Variants in GSAP observed in about 807,000 individuals in gnomAD.
The protein encoded by GSAP is gamma-secretase activating protein.
A neutral mutation model predicts 131.7 loss-of-function variants in GSAP; 118 were observed. The observed-to-expected ratio is 0.90, with a 90% CI of 0.77 to 1.04. GSAP has a LOEUF of 1.04. Among genes scored for constraint, GSAP ranks in the 50% least tolerant of loss-of-function variants. The probability of loss-of-function intolerance (pLI) is 0.00; values close to 1 mark genes in which losing one functional copy is unlikely to be tolerated. For missense variants in GSAP, 1,019 were observed against 1,013.2 expected (o/e 1.01, Z -0.08); for synonymous variants, 381 against 363.4 (o/e 1.05, Z -0.55).
At chr7:77,344,309 C>G (rs927301820) in intron 19 of GSAP, among the ~76,000 whole-genome samples, 4 of 152,142 alleles carry the variant, frequency 2.6e-5, no homozygotes, top group African/African-American at 9.7e-5. Flanking sequence ...GACTAATGGT[C>G]TTATAAAAAC....
chr7:77,324,356 G>A (rs1334847889), intron 23 of GSAP, among the ~76,000 whole-genome samples: 1 of 152,098 alleles, frequency 6.6e-6, no homozygotes, highest in Non-Finnish European at 1.5e-5. Context: ...CCAACCATTA[G>A]CATTCCCAGC....
At chr7:77,335,868 A>C (rs1284129976) in intron 19 of GSAP, among the ~76,000 whole-genome samples, 1 of 152,208 alleles carries the variant, frequency 6.6e-6, no homozygotes, top group Non-Finnish European at 1.5e-5. Flanking sequence ...ATTCCATCTC[A>C]GTATCAGCTT....
intron 12 of GSAP, among the ~76,000 whole-genome samples, chr7:77,373,866 C>T (rs192943437): frequency 3.3e-5 from 5 of 152,326 alleles, no homozygotes; most frequent in African/African-American, 1.2e-4. Flanking sequence ...AATAACTCTG[C>T]TGTTAAGAAT....
Position 77,374,108 on chromosome 7 carries a change from G to A in GSAP, c.833C>T (p.Ser278Phe), listed in dbSNP as rs1796504197. 6.3e-7 allele frequency: 1 copy of A among 1,594,872 alleles called. No homozygotes were observed. The highest frequency in any genetic ancestry group is 2.2e-5 in the East Asian group (1 of 44,476). Residue 278 changes from serine to phenylalanine, a missense_variant, in exon 12 of 31, where the codon TCC becomes TTC. Transcript: ENST00000257626. ...AAAAACACACAGAGTCAGGTGTTTG[G>A]AAAATTTATCTCGGTATTGATGATA... ...CDYHQYRDKF[S>F]KHLTLCVFTN... is the part of the protein sequence containing the mutation.
chr7:77,382,746 A>G, intron 6 of GSAP, 103 bp from the exon 7 acceptor site: 1 of 626,180 alleles, frequency 1.6e-6, no homozygotes, highest in Non-Finnish European at 3.0e-6. Flanking sequence ...CATTGAAGAA[A>G]CTGGGAATCA....
chr7:77,340,389 G>A (rs978390220), intron 19 of GSAP, among the ~76,000 whole-genome samples: 2 of 152,138 alleles, frequency 1.3e-5, no homozygotes, highest in African/African-American at 4.8e-5. Context: ...GAAGACCCAG[G>A]ACAGGAGGAC....
At chr7:77,352,376 A>G (rs904049121) in intron 18 of GSAP, among the ~76,000 whole-genome samples, 1 of 152,250 alleles carries the variant, frequency 6.6e-6, no homozygotes, top group South Asian at 2.1e-4. Context: ...AGCTCTGTCT[A>G]CTGTACCATA....
At chr7:77,365,898 G>GTTTTTTTTTTTTTTT (rs35007328) in intron 12 of GSAP, among the ~76,000 whole-genome samples, 1 of 115,586 alleles carries the variant, frequency 8.7e-6, no homozygotes. Flanking sequence ...GCAACTGTGG[G>GTTTTTTTTTTTTTTT]TTTTTTTTTT....
intron 5 of GSAP, among the ~76,000 whole-genome samples, chr7:77,395,626 T>C (rs1182892467): frequency 6.6e-6 from 1 of 151,976 alleles, no homozygotes; most frequent in Non-Finnish European, 1.5e-5. Context: ...TGATGAGATT[T>C]CAGATGAGCC....
chr7:77,377,623 G>C (rs1405202720), intron 8 of GSAP, among the ~76,000 whole-genome samples: 2 of 151,984 alleles, frequency 1.3e-5, no homozygotes, highest in East Asian at 3.8e-4. Context: ...TTTTATTCCT[G>C]CTCTTAGTTT....
upstream of GSAP, chr7:77,416,351 GGGCCCCGCACCGCGGGCATTCCC>G (rs1323310422): frequency 3.7e-6 from 5 of 1,366,334 alleles, no homozygotes; most frequent in East Asian, 6.1e-5. Context: ...GGCGGCTCTG[GGGCCCCGCACCGCGGGCATTCCC>G]GGCCCCGCGT....
At chr7:77,378,600 G>C (rs1797331441) in intron 8 of GSAP, among the ~76,000 whole-genome samples, 1 of 151,904 alleles carries the variant, frequency 6.6e-6, no homozygotes, top group South Asian at 2.1e-4. Context: ...AACAAAGTCA[G>C]AACTATGGAA....
intron 3 of GSAP, among the ~76,000 whole-genome samples, chr7:77,402,616 A>AGAAAAAAAAAAAAAAAAAAAAAT (rs1801554179): frequency 1.2e-5 from 1 of 80,422 alleles, no homozygotes; most frequent in Admixed American, 1.8e-4. Flanking sequence ...AAAAAAAAAA[A>AGAAAAAAAAAAAAAAAAAAAAAT]GAATTTTAAA....
intron 26 of GSAP, chr7:77,315,443 C>G (rs1442995689): frequency 6.6e-6 from 1 of 152,136 alleles, no homozygotes; most frequent in Admixed American, 6.5e-5. Context: ...ACAATAGCGA[C>G]CCATACTGGA....
chr7:77,411,712 T>C (rs1236010248), intron 1 of GSAP, among the ~76,000 whole-genome samples: 1 of 152,194 alleles, frequency 6.6e-6, no homozygotes, highest in Non-Finnish European at 1.5e-5. Context: ...ATAGAGGCAA[T>C]ACAACTAAAG....
chr7:77,368,547 G>C (rs1168912061), intron 12 of GSAP, among the ~76,000 whole-genome samples: 1 of 152,142 alleles, frequency 6.6e-6, no homozygotes, highest in Non-Finnish European at 1.5e-5. Context: ...AGAATCTCTG[G>C]GGGGTGAGAC....
In GSAP at chr7:77,330,196, C is replaced by T. The variant is rs1482384564; in HGVS notation, c.1674+43G>A. On this transcript the variant is annotated intron_variant, in intron 20 of 30. Transcript: ENST00000257626. ...AAAGGCATCACCTGGATCCAGTCCA[C>T]TATGCCTCGCTGCTGGCTTTGTTCT... is the stretch of plus-strand genomic sequence containing the variant. 2.5e-6 allele frequency: 4 copies of T among 1,580,570 alleles called. No homozygotes were observed. In the Admixed American group the frequency reaches 7.1e-5, roughly 28 times the overall value.
In GSAP at chr7:77,374,098, C is replaced by A; in HGVS notation, c.843G>T (p.Leu281=). 6.3e-7 allele frequency: 1 copy of A among 1,586,994 alleles called. No individual in the cohort carries two copies. The highest frequency in any genetic ancestry group is 1.1e-5 in the South Asian group (1 of 89,588). The part of the protein sequence containing the change: ...HQYRDKFSKH[L]TLCVFTNHTG... Reference sequence around the variant, plus strand: ...TATGGTTGGTAAAAACACACAGAGTCAGGTGTTTGGAAAATTTATCTCGGT... The same window carrying A: ...TATGGTTGGTAAAAACACACAGAGTAAGGTGTTTGGAAAATTTATCTCGGT... Residue 281 remains leucine, a synonymous_variant, in exon 12 of 31, where the codon CTG becomes CTT. Coordinates refer to ENST00000257626, the MANE Select transcript of GSAP (RefSeq NM_017439.4).
chr7:77,351,842 G>T (rs923668895), intron 18 of GSAP, among the ~76,000 whole-genome samples: 9 of 152,234 alleles, frequency 5.9e-5, no homozygotes, highest in Non-Finnish European at 1.3e-4. Context: ...ACAGCAGGGG[G>T]TTGGTAAGGG....
Sources: gnomAD v4.1 joint callset for allele counts (sites outside exome capture counted in the v4.1 genomes callset) on GRCh38, gnomAD v4.1.1 for gene constraint, MANE v1.5 for transcripts, NCBI Gene and HGNC (gene_info 2026-07-23, HGNC 2026-07-21) for gene names.